IGF1: variants seen among roughly 807,000 people sequenced by gnomAD.
IGF1 encodes insulin like growth factor 1, also known as insulin-like growth factor 1.
A neutral mutation model predicts 13.8 loss-of-function variants in IGF1; 4 were observed. The ratio of observed to expected loss-of-function variants is 0.29; its 90% CI spans 0.14 to 0.66. The LOEUF is 0.66. Ranked by LOEUF, IGF1 falls within the 30% of genes least tolerant of loss-of-function variation. The pLI is 0.78. For synonymous variants in IGF1, 76 were observed against 72.6 expected (o/e 1.05, Z -0.23); for missense variants, 124 against 188.5 (o/e 0.66, Z 2.00).
intron 3 of IGF1, among the ~76,000 whole-genome samples, chr12:102,407,231 A>T (rs1289936397): frequency 6.6e-6 from 1 of 152,052 alleles, no homozygotes; most frequent in East Asian, 1.9e-4. Context: ...GAATCCTTAC[A>T]ATCACCACAT....
At chr12:102,410,202 G>T (rs912423653) in intron 3 of IGF1, among the ~76,000 whole-genome samples, 5 of 150,874 alleles carry the variant, frequency 3.3e-5, no homozygotes, top group African/African-American at 1.2e-4. Flanking sequence ...GGGGAACAAA[G>T]AAAAAAAAAT....
At chr12:102,464,200 C>T (rs1368672414) in intron 2 of IGF1, among the ~76,000 whole-genome samples, 1 of 151,920 alleles carries the variant, frequency 6.6e-6, no homozygotes, top group African/African-American at 2.4e-5. Context: ...GGTCCAGTAG[C>T]CTTTGAAAAT....
chr12:102,436,958 C>T (rs568681183), intron 2 of IGF1, among the ~76,000 whole-genome samples: 1 of 152,348 alleles, frequency 6.6e-6, no homozygotes, highest in Admixed American at 6.5e-5. Context: ...GGAGGGAAGG[C>T]AGGGGCCACT....
At chr12:102,414,472 G>A (rs937135452) in intron 3 of IGF1, among the ~76,000 whole-genome samples, 9 of 152,002 alleles carry the variant, frequency 5.9e-5, no homozygotes, top group African/African-American at 2.2e-4. Flanking sequence ...CCCAAGCTGG[G>A]ATGCAGCGGC....
intron 2 of IGF1, among the ~76,000 whole-genome samples, chr12:102,433,074 G>A (rs529169047): frequency 7.9e-5 from 12 of 152,178 alleles, no homozygotes; most frequent in African/African-American, 2.2e-4. Context: ...CTGAACTCAG[G>A]TCCTCTCTGG....
intron 2 of IGF1, among the ~76,000 whole-genome samples, chr12:102,430,941 A>T (rs140567364): frequency 6.6e-6 from 1 of 152,294 alleles, no homozygotes; most frequent in East Asian, 1.9e-4. Context: ...GGTGCTCAAC[A>T]GGTCACAAAT....
intron 3 of IGF1, among the ~76,000 whole-genome samples, chr12:102,404,068 A>G (rs199559791): frequency 6.6e-6 from 1 of 152,192 alleles, no homozygotes; most frequent in East Asian, 1.9e-4. Flanking sequence ...ACTGGCATTT[A>G]TATGCATAAA....
intron 2 of IGF1, among the ~76,000 whole-genome samples, chr12:102,433,018 G>A (rs1198299761): frequency 6.6e-6 from 1 of 152,144 alleles, no homozygotes; most frequent in Non-Finnish European, 1.5e-5. Flanking sequence ...ATGGGAGTGG[G>A]AGAGTTTGCA....
At chr12:102,455,649 G>C (rs1298048200) in intron 2 of IGF1, among the ~76,000 whole-genome samples, 4 of 152,122 alleles carry the variant, frequency 2.6e-5, no homozygotes, top group African/African-American at 9.7e-5. Context: ...GTTTGCAGTA[G>C]CTGAAATCAA....
At chr12:102,470,289 G>T (rs998267098) in intron 2 of IGF1, among the ~76,000 whole-genome samples, 3 of 152,186 alleles carry the variant, frequency 2.0e-5, no homozygotes, top group African/African-American at 7.2e-5. Flanking sequence ...AACCTGAAGT[G>T]TTTGGCAATA....
intron 3 of IGF1, among the ~76,000 whole-genome samples, chr12:102,413,966 A>G (rs1592745766): frequency 6.6e-6 from 1 of 152,140 alleles, no homozygotes; most frequent in Non-Finnish European, 1.5e-5. Context: ...CTACTACCAC[A>G]TCATGGAAAA....
intron 3 of IGF1, among the ~76,000 whole-genome samples, chr12:102,418,428 T>C (rs1030384990): frequency 6.6e-6 from 1 of 152,238 alleles, no homozygotes; most frequent in African/African-American, 2.4e-5. Context: ...ATGGTCCTCT[T>C]CCAGCCTCAG....
intron 2 of IGF1, among the ~76,000 whole-genome samples, chr12:102,458,104 T>G (rs1879565498): frequency 6.6e-6 from 1 of 152,248 alleles, no homozygotes; most frequent in African/African-American, 2.4e-5. Context: ...TTCTATAATC[T>G]TGTAACTTGT....
chr12:102,444,151 G>T (rs35524121), intron 2 of IGF1, among the ~76,000 whole-genome samples: 10 of 152,110 alleles, frequency 6.6e-5, no homozygotes, highest in African/African-American at 2.2e-4. Flanking sequence ...TCTGTGGCAG[G>T]CATTGGTGCT....
intron 2 of IGF1, among the ~76,000 whole-genome samples, chr12:102,445,383 T>C (rs1222648597): frequency 6.6e-6 from 1 of 152,232 alleles, no homozygotes; most frequent in Non-Finnish European, 1.5e-5. Context: ...GGAATGTTTT[T>C]CCATTTGTTT....
chr12:102,418,115 T>A, intron 3 of IGF1: 1 of 1,132,344 alleles, frequency 8.8e-7, no homozygotes, highest in South Asian at 1.6e-5. Context: ...GCACTCATGC[T>A]GGAGAGGGGT....
At chr12:102,421,249 C>T (rs1875688469) in intron 2 of IGF1, among the ~76,000 whole-genome samples, 1 of 152,128 alleles carries the variant, frequency 6.6e-6, no homozygotes, top group South Asian at 2.1e-4. Context: ...CTGTGCAGAT[C>T]TCGAAGCAGA....
At chr12:102,432,152 A>T (rs1876793467) in intron 2 of IGF1, among the ~76,000 whole-genome samples, 1 of 152,192 alleles carries the variant, frequency 6.6e-6, no homozygotes, top group South Asian at 2.1e-4. Context: ...CCTAAATTTA[A>T]TGCAGTACTG....
chr12:102,475,532 G>T, intron 2 of IGF1, 111 bp downstream of exon 2: 1 of 1,244,250 alleles, frequency 8.0e-7, no homozygotes, highest in Non-Finnish European at 1.2e-6. Context: ...GCCTAGGATG[G>T]CTGCCAGATA....
Sources: allele counts gnomAD v4.1 joint callset (sites outside exome capture counted in the v4.1 genomes callset), GRCh38; gene constraint gnomAD v4.1.1; transcripts MANE v1.5; gene names NCBI Gene and HGNC (gene_info 2026-07-23, HGNC 2026-07-21).